The following CARMIL1 variants were observed in gnomAD, a reference collection of about 807,000 sequenced individuals.
CARMIL1 encodes the protein F-actin-uncapping protein LRRC16A.
A neutral mutation model predicts 177.1 loss-of-function variants in CARMIL1; 90 were observed. The observed-to-expected ratio is 0.51, with a 90% CI of 0.43 to 0.61. The LOEUF is 0.61. CARMIL1 is among the 20% of genes least tolerant of loss of function. The pLI, the probability that CARMIL1 is intolerant of heterozygous loss-of-function variation, is 0.00. For synonymous variants in CARMIL1, 577 were observed against 606.2 expected, an observed-to-expected ratio of 0.95 and a Z score of 0.71; for missense variants, 1,380 against 1,667.0, an observed-to-expected ratio of 0.83 and a Z score of 3.00.
At chr6:25,465,634 A>T in intron 8 of CARMIL1, 1 of 464,662 alleles carries the variant, frequency 2.2e-6, no homozygotes, top group Non-Finnish European at 3.8e-6. Flanking sequence ...GCAAATTCTG[A>T]TACCAACCTC....
chr6:25,410,035 A>G (rs1276859468), intron 2 of CARMIL1, among the ~76,000 whole-genome samples: 1 of 151,628 alleles, frequency 6.6e-6, no homozygotes, highest in East Asian at 1.9e-4. Flanking sequence ...AATGAAGACT[A>G]TTTCTCTGAT....
intron 4 of CARMIL1, 130 bp from the exon 5 acceptor site, chr6:25,435,353 G>T: frequency 9.2e-7 from 1 of 1,090,436 alleles, no homozygotes; most frequent in Non-Finnish European, 1.2e-6. Flanking sequence ...CTCGAACCTT[G>T]TTAAAGAAAA....
chr6:25,606,093 C>A lies in CARMIL1; in HGVS notation c.3667C>A (p.Arg1223Ser), dbSNP rs745708354. The part of the protein sequence containing the change: ...PKLHPGLPEN[R>S]FGLGTPEKNT... ...ACTGCACCCAGGTCTTCCAGAGAACCGCTTTGGTTTGGGAACACCAGAAAA... is the reference window on the plus strand; with the variant it reads ...ACTGCACCCAGGTCTTCCAGAGAACAGCTTTGGTTTGGGAACACCAGAAAA... The change falls in exon 35 of 37, where the codon CGC becomes AGC. Residue 1223 changes from arginine to serine, a missense_variant. By Grantham distance (110) the Arg-to-Ser change is moderately radical. Coordinates refer to ENST00000329474, the MANE Select transcript of CARMIL1 (RefSeq NM_017640.6). 3 of 1,613,802 alleles carry A rather than the reference C, an allele frequency of 1.9e-6. No individual in the cohort carries two copies. The highest frequency in any genetic ancestry group is 1.1e-5 in the South Asian group (1 of 91,036).
chr6:25,527,392 A>G (rs1807258753), intron 23 of CARMIL1, among the ~76,000 whole-genome samples: 1 of 152,210 alleles, frequency 6.6e-6, no homozygotes, highest in Non-Finnish European at 1.5e-5. Context: ...CCTTGGATGC[A>G]CTGCCTGTGT....
At chr6:25,461,904 C>A (rs1002074868) in intron 8 of CARMIL1, among the ~76,000 whole-genome samples, 5 of 151,724 alleles carry the variant, frequency 3.3e-5, no homozygotes, top group Non-Finnish European at 7.4e-5. Flanking sequence ...TTTGGTTTTT[C>A]CCTAATGCAT....
intron 2 of CARMIL1, among the ~76,000 whole-genome samples, chr6:25,394,588 T>C (rs1217011378): frequency 6.6e-6 from 1 of 152,210 alleles, no homozygotes; most frequent in Non-Finnish European, 1.5e-5. Flanking sequence ...TGTGTGGCAA[T>C]TGTACCAAGT....
At chr6:25,413,676 G>C (rs187492655) in intron 2 of CARMIL1, among the ~76,000 whole-genome samples, 2 of 152,336 alleles carry the variant, frequency 1.3e-5, no homozygotes, top group South Asian at 2.1e-4. Context: ...CATTACAGAG[G>C]TTGAAAATGT....
chr6:25,386,456 G>C (rs1792169743), intron 2 of CARMIL1, among the ~76,000 whole-genome samples: 1 of 152,010 alleles, frequency 6.6e-6, no homozygotes. Context: ...GTTTCACCAT[G>C]TTGGTGAAAC....
At chr6:25,529,449 A>G (rs1382530619) in intron 24 of CARMIL1, among the ~76,000 whole-genome samples, 1 of 152,232 alleles carries the variant, frequency 6.6e-6, no homozygotes, top group Non-Finnish European at 1.5e-5. Flanking sequence ...ATTTAAAAAA[A>G]TGTGAAATAT....
rs151088840 is a variant in CARMIL1 at position 25,285,931 on chromosome 6, G to A, written c.138+1022G>A. Reference sequence around the variant, plus strand: ...CTGTTGCCCAGGCTGGAGTGCAATGGTGTGATCTTGGCTCATTGTAGCCTC... The same window carrying A: ...CTGTTGCCCAGGCTGGAGTGCAATGATGTGATCTTGGCTCATTGTAGCCTC... On this transcript the variant is annotated intron_variant, in intron 2 of 36. Transcript: ENST00000329474. Among the ~76,000 whole-genome samples, 1,308 of 152,240 alleles carry A rather than the reference G, an allele frequency of 8.6e-3. 15 individuals are homozygous for A. Among genetic ancestry groups the A allele is most frequent in the African/African-American group, 0.023 (957 of 41,528 alleles).
chr6:25,420,798 A>G (rs533700907), intron 3 of CARMIL1, among the ~76,000 whole-genome samples: 1 of 152,354 alleles, frequency 6.6e-6, no homozygotes, highest in South Asian at 2.1e-4. Flanking sequence ...TTTGTGGATT[A>G]ATCATAATAA....
intron 13 of CARMIL1, 57 bp from the exon 14 acceptor site, chr6:25,491,675 T>G: frequency 9.4e-7 from 1 of 1,065,616 alleles, no homozygotes; most frequent in Non-Finnish European, 1.4e-6. Context: ...TTAACTTGCA[T>G]TGTGTGTATG....
At chr6:25,619,422 T>C (rs1402304071) in intron 36 of CARMIL1, 25 bp from the exon 37 acceptor site, 1 of 1,605,958 alleles carries the variant, frequency 6.2e-7, no homozygotes, top group Non-Finnish European at 8.5e-7. Flanking sequence ...GTCAGTAAAC[T>C]GTGCGACTTC....
intron 2 of CARMIL1, among the ~76,000 whole-genome samples, chr6:25,310,079 T>A (rs562486853): frequency 1.3e-5 from 2 of 152,276 alleles, no homozygotes; most frequent in South Asian, 2.1e-4. Flanking sequence ...CATCTTTTTT[T>A]AATCTATTCC....
In CARMIL1 at chr6:25,342,514, G is replaced by A. The variant is rs193100627; in HGVS notation, c.138+57605G>A. ...CAGCTCTGACACTTAATCTGTAACA[G>A]TGTTACATTATTCTGAGGATTAGTG... is the stretch of plus-strand genomic sequence containing the variant. On this transcript the variant is annotated intron_variant, in intron 2 of 36. Coordinates refer to ENST00000329474, the MANE Select transcript of CARMIL1 (RefSeq NM_017640.6). Among the ~76,000 whole-genome samples, 801 of 152,246 alleles carry A rather than the reference G, an allele frequency of 5.3e-3. 3 individuals are homozygous for A. The highest frequency in any genetic ancestry group is 0.024 in the Middle Eastern group (7 of 294).
chr6:25,569,309 T>TGGA lies in CARMIL1; in HGVS notation c.2743-11613_2743-11611dup, dbSNP rs200725291. ...ATGATGAAAATCTTGGTTTCCAAGC[T>TGGA]GGAGCAGGTTTCAGAGTTTTGGTGA... On this transcript the variant is annotated intron_variant, in intron 29 of 36. Transcript: ENST00000329474. Among the ~76,000 whole-genome samples, 1,075 of 152,324 alleles carry TGGA rather than the reference T, an allele frequency of 7.1e-3. 8 individuals carry two copies. The highest frequency in any genetic ancestry group is 0.021 in the African/African-American group (876 of 41,562).
rs995348494 is a variant in CARMIL1, at chr6:25,436,874, G to C, written c.371+1270G>C. Among the ~76,000 whole-genome samples the C allele has an allele frequency of 2.0e-5, 3 of 152,304 alleles. No homozygotes were observed. The East Asian group carries it at 5.8e-4, about 29-fold the overall frequency. On this transcript the variant is annotated intron_variant, in intron 5 of 36. Transcript: ENST00000329474. ...AGAGGGTGAGCTGGGGCTGCCCTCT[G>C]ACTCCTGCTTGGCTAGAATTTCAGG...
In CARMIL1 at chr6:25,594,355, A is replaced by G. The variant is rs138140479; in HGVS notation, c.3007-60A>G. On this transcript the variant is annotated intron_variant, in intron 31 of 36. Coordinates refer to ENST00000329474, the MANE Select transcript of CARMIL1 (RefSeq NM_017640.6). ...TTAATCACAGTGTCTTAAATCTAGTAATAAATGTTTGCTAAATCAAGGTGC... is the reference window on the plus strand; with the variant it reads ...TTAATCACAGTGTCTTAAATCTAGTGATAAATGTTTGCTAAATCAAGGTGC... 79 of 1,079,160 alleles carry G rather than the reference A, an allele frequency of 7.3e-5. No individual in the cohort carries two copies. The East Asian group carries it at 1.6e-3, about 22-fold the overall frequency. 66.8% of individuals were successfully genotyped at this position (1,079,160 alleles called of 1,614,324 possible).
chr6:25,401,277 CACAA>C (rs981474679), intron 2 of CARMIL1, among the ~76,000 whole-genome samples: 2 of 122,072 alleles, frequency 1.6e-5, no homozygotes, highest in African/African-American at 3.1e-5. Context: ...ACATTTTATA[CACAA>C]ACACACACAC....
Sources: gnomAD v4.1 joint callset for allele counts (sites outside exome capture counted in the v4.1 genomes callset) on GRCh38, gnomAD v4.1.1 for gene constraint, MANE v1.5 for transcripts, NCBI Gene and HGNC (gene_info 2026-07-23, HGNC 2026-07-21) for gene names.